CDKAL1: variants seen among roughly 807,000 people sequenced by gnomAD.
CDKAL1 encodes threonylcarbamoyladenosine tRNA methylthiotransferase.
CDKAL1 carries 32 observed loss-of-function variants against 68.2 expected under a neutral mutation model. That is an observed-to-expected ratio of 0.47 (90% confidence interval 0.35 to 0.63). The LOEUF is 0.63. Among genes scored for constraint, CDKAL1 ranks in the 30% least tolerant of loss-of-function variants. The pLI, the probability that CDKAL1 is intolerant of heterozygous loss-of-function variation, is 0.00. For missense variants in CDKAL1, 606 were observed against 696.7 expected (o/e 0.87, Z 1.47); for synonymous variants, 234 against 244.3 (o/e 0.96, Z 0.39).
At chr6:20,597,924 A>C (rs1765905225) in intron 4 of CDKAL1, among the ~76,000 whole-genome samples, 1 of 152,248 alleles carries the variant, frequency 6.6e-6, no homozygotes, top group African/African-American at 2.4e-5. Context: ...TTAATTGCAG[A>C]CCGTGAGAGA....
intron 13 of CDKAL1, among the ~76,000 whole-genome samples, chr6:21,178,200 A>C (rs1472514172): frequency 6.6e-6 from 1 of 152,162 alleles, no homozygotes; most frequent in Non-Finnish European, 1.5e-5. Flanking sequence ...AAGCCTTATC[A>C]TGGGGAAAGA....
At chr6:21,205,540 G>GTTT (rs145221533) in intron 15 of CDKAL1, among the ~76,000 whole-genome samples, 2,598 of 151,252 alleles carry the variant, frequency 0.017, 85 homozygotes, top group African/African-American at 0.056. Flanking sequence ...GTTTTGTTTT[G>GTTT]TTTTTTTTGA....
At chr6:20,786,494 C>CTTTTTTTTTTTTTTTTTTTTTTT (rs1197574844) in intron 8 of CDKAL1, among the ~76,000 whole-genome samples, 6 of 80,730 alleles carry the variant, frequency 7.4e-5, no homozygotes, top group African/African-American at 3.0e-4. Context: ...TTTTTCTTAT[C>CTTTTTTTTTTTTTTTTTTTTTTT]TTTTTTTTTT....
intron 4 of CDKAL1, among the ~76,000 whole-genome samples, chr6:20,569,848 G>C (rs761651280): frequency 6.6e-6 from 1 of 152,124 alleles, no homozygotes; most frequent in Non-Finnish European, 1.5e-5. Context: ...TTGAGGATTG[G>C]AAGTTAAAAA....
chr6:21,018,473 G>T (rs1333379459), intron 11 of CDKAL1, among the ~76,000 whole-genome samples: 3 of 152,080 alleles, frequency 2.0e-5, no homozygotes, highest in Non-Finnish European at 4.4e-5. Flanking sequence ...TACAAATGTG[G>T]ATATGTTGCT....
intron 4 of CDKAL1, among the ~76,000 whole-genome samples, chr6:20,593,606 A>T (rs1415011337): frequency 6.0e-5 from 7 of 115,942 alleles, no homozygotes; most frequent in African/African-American, 1.0e-4. Context: ...ATTAATCTTT[A>T]AAAAAAAAAA....
chr6:20,822,920 CA>C (rs1777346622), intron 8 of CDKAL1, among the ~76,000 whole-genome samples: 1 of 152,090 alleles, frequency 6.6e-6, no homozygotes, highest in Admixed American at 6.6e-5. Flanking sequence ...TGAAAATGTA[CA>C]AATACACTCA....
Position 20,667,324 on chromosome 6 carries a change from CAG to C in CDKAL1, c.371+17950_371+17951del, listed in dbSNP as rs1463189316. Among the ~76,000 whole-genome samples the C allele has an allele frequency of 3.9e-5, 6 of 152,252 alleles. No individual in the cohort carries two copies. In the East Asian group the frequency reaches 1.2e-3, roughly 29 times the overall value. On this transcript the variant is annotated intron_variant, in intron 5 of 15. Coordinates refer to ENST00000274695, the MANE Select transcript of CDKAL1 (RefSeq NM_017774.3). ...GGAGATGACAGTTTAGCAAAAAGGG[CAG>C]AGTCTTAGCCAGATAATTATAATAC... is the stretch of plus-strand genomic sequence containing the variant.
At chr6:20,819,905 C>G in intron 8 of CDKAL1, among the ~76,000 whole-genome samples, 1 of 152,130 alleles carries the variant, frequency 6.6e-6, no homozygotes, top group East Asian at 1.9e-4. Context: ...AGAAGCTTCA[C>G]AGAGCAGTGC....
At chr6:21,198,328 A>G (rs1452153171) in intron 14 of CDKAL1, among the ~76,000 whole-genome samples, 2 of 152,220 alleles carry the variant, frequency 1.3e-5, no homozygotes, top group African/African-American at 4.8e-5. Flanking sequence ...GTTCACATTA[A>G]TCTTTGACAG....
At chr6:20,995,362 C>T (rs1291255083) in intron 10 of CDKAL1, among the ~76,000 whole-genome samples, 1 of 152,164 alleles carries the variant, frequency 6.6e-6, no homozygotes, top group Non-Finnish European at 1.5e-5. Flanking sequence ...TACCTAGATC[C>T]ACCAGAGGAA....
At chr6:21,200,897 G>A (rs1778659807) in intron 14 of CDKAL1, 3 of 402,566 alleles carry the variant, frequency 7.5e-6, no homozygotes, top group Non-Finnish European at 1.3e-5. Flanking sequence ...AATTAGGTAT[G>A]CCTTCGGTTA....
At position 20,781,224 on chromosome 6, in the gene CDKAL1, T is replaced by C; in HGVS notation, c.597T>C (p.Ile199=). The stretch of plus-strand genomic sequence containing the variant: ...GAGCACGATTGGATTTGCCGAAGAT[T>C]AGGAAGAATCCACTGATAGAAATCA... The part of the protein sequence containing the change: ...LGGARLDLPK[I]RKNPLIEIIS... Residue 199 remains isoleucine (I), a synonymous_variant, in exon 8 of 16, where the codon ATT becomes ATC. Coordinates refer to ENST00000274695, the MANE Select transcript of CDKAL1 (RefSeq NM_017774.3). 1 of 1,613,804 alleles carries C rather than the reference T, an allele frequency of 6.2e-7. No homozygotes were observed. Among genetic ancestry groups the C allele is most frequent in the Non-Finnish European group, 8.5e-7 (1 of 1,179,826 alleles).
At chr6:20,952,968 G>A (rs1428206733) in intron 9 of CDKAL1, among the ~76,000 whole-genome samples, 2 of 152,134 alleles carry the variant, frequency 1.3e-5, no homozygotes, top group Admixed American at 6.5e-5. Context: ...ACTTTCTCAC[G>A]TTGACTAAGA....
intron 7 of CDKAL1, among the ~76,000 whole-genome samples, chr6:20,778,764 G>A (rs1024126240): frequency 2.4e-4 from 36 of 152,130 alleles, no homozygotes; most frequent in African/African-American, 7.7e-4. Flanking sequence ...GTTCTGGCTC[G>A]TACAGACAGT....
chr6:21,042,040 A>G (rs899300576), intron 11 of CDKAL1, among the ~76,000 whole-genome samples: 6 of 152,046 alleles, frequency 3.9e-5, no homozygotes, highest in East Asian at 3.9e-4. Flanking sequence ...CTAGAATGCA[A>G]TTTGTTTCCT....
At chr6:20,711,968 A>T (rs1771866728) in intron 5 of CDKAL1, among the ~76,000 whole-genome samples, 1 of 152,236 alleles carries the variant, frequency 6.6e-6, no homozygotes, top group Admixed American at 6.5e-5. Flanking sequence ...AGCAAGGATA[A>T]TGAAGATGCC....
chr6:21,160,673 G>A (rs1388986434), intron 13 of CDKAL1, among the ~76,000 whole-genome samples: 1 of 140,776 alleles, frequency 7.1e-6, no homozygotes, highest in Non-Finnish European at 1.6e-5. Context: ...GTGTGTGTGT[G>A]TGTGTCTGTG....
At chr6:20,995,701 A>C (rs1478338637) in intron 10 of CDKAL1, among the ~76,000 whole-genome samples, 1 of 152,176 alleles carries the variant, frequency 6.6e-6, no homozygotes, top group Non-Finnish European at 1.5e-5. Flanking sequence ...ATTTATCATA[A>C]TTCTTGAGGG....
Sources: gnomAD v4.1 joint callset for allele counts (sites outside exome capture counted in the v4.1 genomes callset) on GRCh38, gnomAD v4.1.1 for gene constraint, MANE v1.5 for transcripts, NCBI Gene and HGNC (gene_info 2026-07-23, HGNC 2026-07-21) for gene names.